The following TSC2 variants were observed in gnomAD, a reference collection of about 807,000 sequenced individuals.
The protein encoded by TSC2 is tuberin.
Under a neutral mutation model 202.2 loss-of-function variants are expected in TSC2, and 29 were observed. That is an observed-to-expected ratio of 0.14 (90% CI 0.11 to 0.20). TSC2 has a LOEUF of 0.20. Ranked by LOEUF, TSC2 falls within the 10% of genes least tolerant of loss-of-function variation. The pLI, the probability that TSC2 is intolerant of heterozygous loss-of-function variation, is 1.00. For missense variants in TSC2, 2,429 were observed against 2,420.0 expected (o/e 1.00, Z -0.08); for synonymous variants, 1,349 against 1,044.0 (o/e 1.29, Z -5.63).
chr16:2,087,031 G>A, intron 38 of TSC2, 160 bp downstream of exon 38: 1 of 1,125,262 alleles, frequency 8.9e-7, no homozygotes, highest in Non-Finnish European at 1.3e-6. Flanking sequence ...CCCCGAGCCT[G>A]CGTTGTGTCC....
At chr16:2,087,816 TCAG>T in intron 38 of TSC2, 44 bp from the exon 39 acceptor site, 1 of 1,599,192 alleles carries the variant, frequency 6.3e-7, no homozygotes, top group Non-Finnish European at 8.5e-7. Context: ...AGATCAGCCT[TCAG>T]CACACGCTGT....
chr16:2,050,512 G>C (rs1452099490), intron 3 of TSC2, 26 bp downstream of exon 3: 1 of 1,603,204 alleles, frequency 6.2e-7, no homozygotes. Context: ...TGAGCTACTA[G>C]AGAGAGGCAC....
At chr16:2,083,537 C>A in intron 32 of TSC2, 158 bp from the exon 33 acceptor site, 2 of 1,312,396 alleles carry the variant, frequency 1.5e-6, no homozygotes, top group Non-Finnish European at 2.1e-6. Flanking sequence ...CCAGCGTCCT[C>A]CCTGCCCGCT....
At position 2,050,501 on chromosome 16, in the gene TSC2, T is replaced by C; in HGVS notation, c.225+15T>C. 1 of 1,612,568 alleles carries C rather than the reference T, an allele frequency of 6.2e-7. No homozygotes were observed. The highest frequency in any genetic ancestry group is 1.7e-5 in the Admixed American group (1 of 59,984). On this transcript the variant is annotated intron_variant, in intron 3 of 41. Coordinates refer to ENST00000219476, the MANE Select transcript of TSC2 (RefSeq NM_000548.5). ...AATTTGAAGAGGTAGGTTTATCCAG[T>C]TGAGCTACTAGAGAGAGGCACGTAG...
In TSC2 at chr16:2,063,325, A is replaced by G. The variant is rs529984940; in HGVS notation, c.1443+272A>G. 1,437 of 580,944 alleles carry G rather than the reference A, an allele frequency of 2.5e-3. 5 individuals carry two copies. The highest frequency in any genetic ancestry group is 3.4e-3 in the Non-Finnish European group (1,112 of 324,424). The allele number at this position is 580,944 out of a possible 1,614,324, so 36.0% of individuals were successfully genotyped here. A position where few individuals can be genotyped will look rare whatever the true frequency, so the allele number is the denominator to read the frequency against. On this transcript the variant is annotated intron_variant, in intron 14 of 41. Coordinates refer to ENST00000219476, the MANE Select transcript of TSC2 (RefSeq NM_000548.5). ...GCTCCGGCCGGTTTTCACCCAACAC[A>G]GGAGCCTCTTAAAAATTCTGTGTGA...
At position 2,088,688 on chromosome 16, in the gene TSC2, C is replaced by CACAG. The variant is rs2091238836; in HGVS notation, c.*82_*85dup. The CACAG allele has an allele frequency of 1.3e-6, 2 of 1,514,268 alleles. No individual in the cohort carries two copies. Among genetic ancestry groups the CACAG allele is most frequent in the Non-Finnish European group, 1.8e-6 (2 of 1,127,004 alleles). 93.8% of individuals were successfully genotyped at this position (1,514,268 alleles called of 1,614,324 possible). Reference sequence around the variant, plus strand: ...AATAAATAAAGTCCTGACCCCAGTGCACAGACATAGAGGCACAGATTGCAG... The same window carrying CACAG: ...AATAAATAAAGTCCTGACCCCAGTGCACAGACAGACATAGAGGCACAGATTGCAG... On this transcript the variant is annotated 3_prime_UTR_variant, in exon 42 of 42. Coordinates refer to ENST00000219476, the MANE Select transcript of TSC2 (RefSeq NM_000548.5).
chr16:2,063,096 C>T (rs1440990645), intron 14 of TSC2, 43 bp downstream of exon 14: 2 of 1,547,746 alleles, frequency 1.3e-6, no homozygotes, highest in Non-Finnish European at 1.7e-6. Flanking sequence ...AGGGCTATTT[C>T]TCCGTGGGCG....
chr16:2,068,327 A>T (rs1180003584), intron 16 of TSC2, among the ~76,000 whole-genome samples: 1 of 152,204 alleles, frequency 6.6e-6, no homozygotes. Context: ...GGCGTGAGCC[A>T]TCGTGCCTGG....
chr16:2,048,816 C>A (rs995435589), intron 2 of TSC2, 63 bp downstream of exon 2: 1 of 1,610,980 alleles, frequency 6.2e-7, no homozygotes, highest in South Asian at 1.1e-5. Context: ...TGGGTTTGGT[C>A]TTGCACCAGG....
chr16:2,080,694 C>T (rs112492425), intron 30 of TSC2: 135 of 355,382 alleles, frequency 3.8e-4, no homozygotes, highest in Non-Finnish European at 3.5e-4. Flanking sequence ...CTGTGTTAGC[C>T]AGGATGGTCT....
At chr16:2,083,409 T>C in intron 32 of TSC2, 1 of 567,976 alleles carries the variant, frequency 1.8e-6, no homozygotes, top group South Asian at 1.9e-5. Flanking sequence ...TGCCCCTGCC[T>C]ACCTGGAGGC....
intron 17 of TSC2, among the ~76,000 whole-genome samples, chr16:2,070,971 G>A (rs1412851264): frequency 1.9e-4 from 29 of 151,112 alleles, no homozygotes; most frequent in Admixed American, 1.9e-3. Context: ...CAGGGCTGGA[G>A]AGGGCAGAGC....
At position 2,056,317 on chromosome 16, in the gene TSC2, C is replaced by T. The variant is rs1396817842; in HGVS notation, c.648+73C>T. On this transcript the variant is annotated intron_variant, in intron 7 of 41. Coordinates refer to ENST00000219476, the MANE Select transcript of TSC2 (RefSeq NM_000548.5). The stretch of plus-strand genomic sequence containing the variant: ...GGGAGGCTGGGGCTTGGGGGTTGAG[C>T]CCTGTGTGCCACCTGCTGGCTGTGT... 3.8e-6 allele frequency: 6 copies of T among 1,590,866 alleles called. No homozygotes were observed. The African/African-American group carries it at 5.4e-5, about 14-fold the overall frequency.
At chr16:2,048,872 GT>G in intron 2 of TSC2, 119 bp downstream of exon 2, 1 of 1,436,958 alleles carries the variant, frequency 7.0e-7, no homozygotes, top group Admixed American at 1.7e-5. Context: ...CAGGAATGCT[GT>G]CTCCAGTACT....
chr16:2,086,386 C>T lies in TSC2; in HGVS notation c.4849+7C>T, dbSNP rs1257925008. The T allele has an allele frequency of 1.2e-6, 2 of 1,611,764 alleles. No individual in the cohort carries two copies. The highest frequency in any genetic ancestry group is 1.1e-5 in the South Asian group (1 of 90,958). The stretch of plus-strand genomic sequence containing the variant: ...CACGATGACATCATGCAAGGTACGG[C>T]CTGGCGCCTACCCGCTCCTGCTGCC... On this transcript the variant is annotated splice_region_variant and intron_variant, in intron 37 of 41. Coordinates refer to ENST00000219476, the MANE Select transcript of TSC2 (RefSeq NM_000548.5).
chr16:2,081,992 T>C, intron 31 of TSC2, 194 bp downstream of exon 31: 1 of 801,728 alleles, frequency 1.2e-6, no homozygotes, highest in East Asian at 2.7e-5. Context: ...CTCAGGAAGC[T>C]GGGGCTGGCA....
rs548658798 is a variant in TSC2, at chr16:2,085,402, C to G, written c.4662+80C>G. ...TGCAGTGGGTAGGGAGTCTGGGCCC[C>G]CAACGCCCCACAGAGCTCAACACTG... On this transcript the variant is annotated intron_variant, in intron 36 of 41. Coordinates refer to ENST00000219476, the MANE Select transcript of TSC2 (RefSeq NM_000548.5). 72 of 1,454,608 alleles carry G rather than the reference C, an allele frequency of 4.9e-5. No homozygotes were observed. The African/African-American group carries it at 9.1e-4, about 18-fold the overall frequency. 90.1% of individuals were successfully genotyped at this position (1,454,608 alleles called of 1,614,324 possible).
chr16:2,062,784 T>C, intron 13 of TSC2, 184 bp downstream of exon 13: 1 of 882,726 alleles, frequency 1.1e-6, no homozygotes, highest in South Asian at 1.5e-5. Context: ...GGTCCTCTCA[T>C]GACGCCACTG....
At chr16:2,082,285 A>T in intron 31 of TSC2, 151 bp from the exon 32 acceptor site, 1 of 838,472 alleles carries the variant, frequency 1.2e-6, no homozygotes, top group Middle Eastern at 2.7e-4. Context: ...CTGCCCAAGC[A>T]GCTTGTAGCT....
Sources: allele counts gnomAD v4.1 joint callset (sites outside exome capture counted in the v4.1 genomes callset), GRCh38; gene constraint gnomAD v4.1.1; transcripts MANE v1.5; gene names NCBI Gene and HGNC (gene_info 2026-07-23, HGNC 2026-07-21).